Variants in NEDD9 observed in about 807,000 individuals in gnomAD.
NEDD9 encodes neural precursor cell expressed, developmentally down-regulated 9, also known as enhancer of filamentation 1.
NEDD9 carries 26 observed loss-of-function variants against 76.6 expected under a neutral mutation model. That is an observed-to-expected ratio of 0.34 (90% CI 0.25 to 0.47). The LOEUF is 0.47. Ranked by LOEUF, NEDD9 falls within the 20% of genes least tolerant of loss-of-function variation. The pLI is 1.00. For synonymous variants in NEDD9, 392 were observed against 414.2 expected (o/e 0.95, Z 0.65); for missense variants, 937 against 1,058.5 (o/e 0.89, Z 1.59).
At chr6:11,235,346 C>T (rs1759576713), upstream of NEDD9, among the ~76,000 whole-genome samples, 1 of 152,074 alleles carries the variant, frequency 6.6e-6, no homozygotes, top group African/African-American at 2.4e-5. The surrounding 1 kb of genome is among the most constrained non-coding windows in gnomAD (Gnocchi z 4.1). Context: ...GGAGGAACCC[C>T]TTCTCTGTGT....
chr6:11,186,744 A>G (rs1366938881), intron 6 of NEDD9, among the ~76,000 whole-genome samples: 1 of 152,136 alleles, frequency 6.6e-6, no homozygotes, highest in Non-Finnish European at 1.5e-5. Flanking sequence ...CAGCCTCCCA[A>G]GTAGCTGGGA....
chr6:11,268,912 C>T (rs1182109151), intron 3 of NEDD9, among the ~76,000 whole-genome samples: 1 of 152,146 alleles, frequency 6.6e-6, no homozygotes, highest in Non-Finnish European at 1.5e-5. Context: ...TTTTACTTCT[C>T]TGTAAGAAAT....
intron 2 of NEDD9, chr6:11,199,232 G>C (rs1758365953): frequency 6.6e-6 from 1 of 152,210 alleles, no homozygotes; most frequent in East Asian, 1.9e-4. Flanking sequence ...CAGAGGCCAT[G>C]GCCCCACTGG....
chr6:11,268,024 C>T (rs1760232794), intron 3 of NEDD9, among the ~76,000 whole-genome samples: 1 of 152,098 alleles, frequency 6.6e-6, no homozygotes, highest in Admixed American at 6.5e-5. Context: ...AAAACGGCAT[C>T]TATAATATAC....
At chr6:11,315,016 G>T (rs1761505177) in intron 2 of NEDD9, among the ~76,000 whole-genome samples, 1 of 152,182 alleles carries the variant, frequency 6.6e-6, no homozygotes, top group African/African-American at 2.4e-5. Context: ...AGTGTCCTAG[G>T]GGAATGGAGA....
intron 2 of NEDD9, among the ~76,000 whole-genome samples, chr6:11,307,821 C>T (rs895650016): frequency 6.6e-6 from 1 of 152,140 alleles, no homozygotes; most frequent in Non-Finnish European, 1.5e-5. Context: ...CAGTGCAACC[C>T]CTCTCTTTCC....
intron 2 of NEDD9, among the ~76,000 whole-genome samples, chr6:11,206,709 G>C (rs551150503): frequency 6.6e-6 from 1 of 152,318 alleles, no homozygotes; most frequent in South Asian, 2.1e-4. Context: ...GAGTTTGAAG[G>C]CTTTGGCACT....
exon 3 of NEDD9, chr6:11,306,034 G>T (rs1021702571): frequency 6.2e-7 from 1 of 1,613,844 alleles, no homozygotes; most frequent in Non-Finnish European, 8.5e-7. Flanking sequence ...AGCTCTGGAT[G>T]TTGGAAAGGA....
chr6:11,227,610 T>C (rs1759342455), intron 1 of NEDD9, among the ~76,000 whole-genome samples: 1 of 152,194 alleles, frequency 6.6e-6, no homozygotes, highest in Non-Finnish European at 1.5e-5. Context: ...AGACCCTAGA[T>C]CATGTTTTTT....
At chr6:11,371,180 C>T (rs1448248569) in intron 1 of NEDD9, among the ~76,000 whole-genome samples, 1 of 152,172 alleles carries the variant, frequency 6.6e-6, no homozygotes, top group African/African-American at 2.4e-5. Context: ...TTCCCATATA[C>T]CTCCTGCTCC....
At position 11,185,268 on chromosome 6, in the gene NEDD9, T is replaced by C. The variant is rs1263522214; in HGVS notation, c.2399A>G (p.His800Arg). The change falls in exon 7 of 7, where the codon CAT (histidine) becomes CGT (arginine). Residue 800 changes from histidine (H) to arginine (R), a missense_variant. Coordinates refer to ENST00000379446, the MANE Select transcript of NEDD9 (RefSeq NM_006403.4). ...IVMATKMAALHYPSTTALQEM... is the reference protein window; with the variant it reads ...IVMATKMAALRYPSTTALQEM... Reference sequence around the variant, plus strand: ...CTGCAGGGCCGTGGTGCTGGGGTAATGGAGGGCGGCCATCTTGGTTGCCAT... The same window carrying C: ...CTGCAGGGCCGTGGTGCTGGGGTAACGGAGGGCGGCCATCTTGGTTGCCAT... 1.2e-6 allele frequency: 2 copies of C among 1,614,078 alleles called. No individual in the cohort carries two copies. The highest frequency in any genetic ancestry group is 1.3e-5 in the African/African-American group (1 of 75,012).
intron 3 of NEDD9, among the ~76,000 whole-genome samples, chr6:11,284,400 A>G (rs1412087044): frequency 6.7e-6 from 1 of 149,548 alleles, no homozygotes; most frequent in Admixed American, 6.7e-5. Context: ...CTAAAAAAAA[A>G]AAAAAAAAAA....
At chr6:11,307,965 C>T (rs576617781) in intron 2 of NEDD9, among the ~76,000 whole-genome samples, 85 of 152,054 alleles carry the variant, frequency 5.6e-4, no homozygotes, top group Non-Finnish European at 4.7e-4. Context: ...GAGACCATGC[C>T]CACCCGAGAT....
intron 1 of NEDD9, among the ~76,000 whole-genome samples, chr6:11,216,463 C>G (rs1402899310): frequency 1.3e-5 from 2 of 152,200 alleles, no homozygotes; most frequent in Non-Finnish European, 2.9e-5. Flanking sequence ...CCCAAGACCA[C>G]ACTATTGGCA....
chr6:11,311,945 A>G (rs568680288), intron 2 of NEDD9, among the ~76,000 whole-genome samples: 282 of 152,182 alleles, frequency 1.9e-3, no homozygotes, highest in African/African-American at 6.2e-3. Context: ...ATTTCACACC[A>G]TTGACCACGT....
At chr6:11,200,311 C>T (rs1233835936) in intron 2 of NEDD9, 6 of 465,508 alleles carry the variant, frequency 1.3e-5, no homozygotes, top group South Asian at 9.3e-5. Flanking sequence ...CAGAACAGCT[C>T]AAAGCATGGA....
chr6:11,313,939 T>A (rs1026728555), intron 2 of NEDD9, among the ~76,000 whole-genome samples: 1 of 152,214 alleles, frequency 6.6e-6, no homozygotes, highest in African/African-American at 2.4e-5. Flanking sequence ...AGGGAGGTTT[T>A]ACAAGTTAAA....
chr6:11,320,733 T>A (rs1197018942), intron 2 of NEDD9, among the ~76,000 whole-genome samples: 1 of 152,228 alleles, frequency 6.6e-6, no homozygotes, highest in Non-Finnish European at 1.5e-5. Flanking sequence ...ACAAGGTCTT[T>A]ACGTTTGGAA....
At chr6:11,205,830 A>G (rs1397905393) in intron 2 of NEDD9, among the ~76,000 whole-genome samples, 5 of 152,042 alleles carry the variant, frequency 3.3e-5, no homozygotes, top group Admixed American at 6.5e-5. Context: ...GTTTCATGGT[A>G]TCAGTCAGAC....
Sources: gnomAD v4.1 joint callset for allele counts (sites outside exome capture counted in the v4.1 genomes callset) on GRCh38, gnomAD v4.1.1 for gene constraint, Gnocchi (gnomAD v3.1) non-coding constraint, MANE v1.5 for transcripts, NCBI Gene and HGNC (gene_info 2026-07-23, HGNC 2026-07-21) for gene names.